The following ANKS1A variants were observed in gnomAD, a reference collection of about 807,000 sequenced individuals.
The protein encoded by ANKS1A is ankyrin repeat and SAM domain-containing protein 1A.
A neutral mutation model predicts 120.3 loss-of-function variants in ANKS1A; 55 were observed. The observed-to-expected ratio is 0.46, with a 90% CI of 0.37 to 0.57. ANKS1A has a LOEUF of 0.57. Among genes scored for constraint, ANKS1A ranks in the 20% least tolerant of loss-of-function variants. The pLI, the probability that ANKS1A is intolerant of heterozygous loss-of-function variation, is 0.00. For synonymous variants in ANKS1A, 590 were observed against 604.7 expected (o/e 0.98, Z 0.36); for missense variants, 1,123 against 1,480.3 (o/e 0.76, Z 3.96).
intron 12 of ANKS1A, among the ~76,000 whole-genome samples, chr6:35,059,832 TC>T (rs1031518373): frequency 6.6e-6 from 1 of 152,004 alleles, no homozygotes; most frequent in Non-Finnish European, 1.5e-5. Context: ...GGATTTGGCT[TC>T]CCCCACCCCC....
At chr6:34,974,971 G>T (rs1031199977) in intron 3 of ANKS1A, among the ~76,000 whole-genome samples, 1 of 152,170 alleles carries the variant, frequency 6.6e-6, no homozygotes, top group African/African-American at 2.4e-5. Context: ...CCCAACAGTG[G>T]TTAATTTAGT....
chr6:34,895,313 T>TGCAGGCTC, intron 1 of ANKS1A, among the ~76,000 whole-genome samples: 1 of 151,962 alleles, frequency 6.6e-6, no homozygotes, highest in Non-Finnish European at 1.5e-5. Flanking sequence ...CCTCCTGAGC[T>TGCAGGCTC]ATTGGGACTG....
chr6:35,066,101 C>T (rs947262688), intron 13 of ANKS1A, among the ~76,000 whole-genome samples: 14 of 152,178 alleles, frequency 9.2e-5, no homozygotes, highest in African/African-American at 3.1e-4. Flanking sequence ...CCTCCCTGTT[C>T]GTCGTCTGTC....
At chr6:34,941,034 G>T (rs1207710324) in intron 1 of ANKS1A, among the ~76,000 whole-genome samples, 1 of 151,822 alleles carries the variant, frequency 6.6e-6, no homozygotes, top group Non-Finnish European at 1.5e-5. Context: ...TGTCACCCAG[G>T]CTGGAGTGCA....
Position 34,982,859 on chromosome 6 carries a change from G to C in ANKS1A, c.808+32G>C, listed in dbSNP as rs200272196. 1.2e-6 allele frequency: 2 copies of C among 1,613,964 alleles called. No homozygotes were observed. Among genetic ancestry groups the C allele is most frequent in the East Asian group, 4.5e-5 (2 of 44,886 alleles). On this transcript the variant is annotated intron_variant, in intron 5 of 23. Transcript: ENST00000360359. The surrounding 1 kb of genome is among the most constrained non-coding windows in gnomAD (Gnocchi z 4.9). ...GGTCGGCAGCGCTCTTGTCTACACAGCGTGCCAGGGTTGGGATTGTTTCTC... is the reference window on the plus strand; with the variant it reads ...GGTCGGCAGCGCTCTTGTCTACACACCGTGCCAGGGTTGGGATTGTTTCTC...
chr6:35,073,464 G>A lies in ANKS1A; in HGVS notation c.2185-5094G>A, dbSNP rs79573887. 6.3e-3 allele frequency among the ~76,000 whole-genome samples: 954 copies of A among 152,300 alleles called. 9 individuals are homozygous for A. Among genetic ancestry groups the A allele is most frequent in the African/African-American group, 0.022 (912 of 41,556 alleles). ...GAAGTCTGAGCGAGTCAGGACAGGG[G>A]GAGGCCCAGATCCCAGGCGAAGATC... On this transcript the variant is annotated intron_variant, in intron 13 of 23. Transcript: ENST00000360359.
At chr6:34,991,039 T>C (rs1351195984) in intron 9 of ANKS1A, among the ~76,000 whole-genome samples, 1 of 152,204 alleles carries the variant, frequency 6.6e-6, no homozygotes, top group Non-Finnish European at 1.5e-5. Context: ...TCTTTCCTTA[T>C]ACTGTTAAAG....
At chr6:34,925,509 C>T (rs1429641236) in intron 1 of ANKS1A, among the ~76,000 whole-genome samples, 1 of 152,158 alleles carries the variant, frequency 6.6e-6, no homozygotes, top group African/African-American at 2.4e-5. Context: ...CGACTTAGAA[C>T]CTTTCTAGAG....
rs1277223812 is a variant in ANKS1A at position 35,086,423 on chromosome 6, G to A, written c.3303+487G>A. On this transcript the variant is annotated intron_variant, in intron 22 of 23. Coordinates refer to ENST00000360359, the MANE Select transcript of ANKS1A (RefSeq NM_015245.3). The surrounding 1 kb of genome is among the most constrained non-coding windows in gnomAD (Gnocchi z 5.1). ...CAGTCTCCCCGAAGTGACCGTGAGC[G>A]CTCTTAGCCTCTGGCGGCCTCTCCC... is the stretch of plus-strand genomic sequence containing the variant. 15 of 1,223,244 alleles carry A rather than the reference G, an allele frequency of 1.2e-5. No homozygotes were observed. Among genetic ancestry groups the A allele is most frequent in the Middle Eastern group, 2.2e-4 (1 of 4,618 alleles). The allele number at this position is 1,223,244 out of a possible 1,614,324, so 75.8% of individuals were successfully genotyped here.
chr6:35,037,838 C>T (rs1166427339), intron 11 of ANKS1A, among the ~76,000 whole-genome samples: 3 of 152,112 alleles, frequency 2.0e-5, no homozygotes, highest in African/African-American at 4.8e-5. Flanking sequence ...GAAGGGTTTT[C>T]CCTGGGGTCC....
At position 35,058,017 on chromosome 6, in the gene ANKS1A, A is replaced by G. The variant is rs777104223; in HGVS notation, c.2078-2130A>G. ...CCCTTCATATGCATTTGTGCAGCCA[A>G]CATCGGCTATTGGGAAATCTGTCAT... On this transcript the variant is annotated intron_variant, in intron 12 of 23. Transcript: ENST00000360359. This position sits in a 1 kb window ranked among gnomAD's most constrained non-coding sequence, Gnocchi z 5.1. Among the ~76,000 whole-genome samples the G allele has an allele frequency of 2.6e-5, 4 of 152,228 alleles. No homozygotes were observed. The highest frequency in any genetic ancestry group is 4.4e-5 in the Non-Finnish European group (3 of 68,050).
At position 34,981,822 on chromosome 6, in the gene ANKS1A, G is replaced by A; in HGVS notation, c.568G>A (p.Ala190Thr). ...NKFETPLDLA[A>T]LYGRLEVVKM... ...ATTCGAGACCCCTTTGGACCTGGCA[G>A]CACTGTACGGGCGACTGGAGGTGGT... The change falls in exon 4 of 24, where the codon GCA becomes ACA. Residue 190 changes from alanine to threonine, a missense_variant. By Grantham distance (58) the Ala-to-Thr change is moderately conservative (BLOSUM62 0). This residue lies in a region of ANKS1A where 146 missense variants were observed against 267.8 expected (regional missense o/e 0.55). Transcript: ENST00000360359. The A allele has an allele frequency of 6.2e-7, 1 of 1,614,180 alleles. No individual in the cohort carries two copies. Among genetic ancestry groups the A allele is most frequent in the Non-Finnish European group, 8.5e-7 (1 of 1,180,034 alleles).
chr6:34,988,404 G>A (rs1561893972), intron 8 of ANKS1A, among the ~76,000 whole-genome samples: 1 of 152,178 alleles, frequency 6.6e-6, no homozygotes, highest in South Asian at 2.1e-4. Flanking sequence ...AGACCATCCT[G>A]GGTAACATGG....
Position 35,085,859 on chromosome 6 carries a change from G to A in ANKS1A, c.3226G>A (p.Ala1076Thr), listed in dbSNP as rs199931805. Reference protein sequence around the residue: ...LQAQKSRATGASAAEMIETKS... With the variant: ...LQAQKSRATGTSAAEMIETKS... Reference sequence around the variant, plus strand: ...GGCCCAGAAGTCCAGGGCGACGGGCGCCTCTGCAGCTGAGATGATTGAAAC... The same window carrying A: ...GGCCCAGAAGTCCAGGGCGACGGGCACCTCTGCAGCTGAGATGATTGAAAC... The change falls in exon 22 of 24, where the codon GCC becomes ACC. Residue 1076 changes from alanine (A) to threonine (T), a missense_variant. Transcript: ENST00000360359. This position sits in a 1 kb window ranked among gnomAD's most constrained non-coding sequence, Gnocchi z 4.7. 7.5e-5 allele frequency: 121 copies of A among 1,613,724 alleles called. No individual in the cohort carries two copies. The highest frequency in any genetic ancestry group is 4.4e-4 in the South Asian group (40 of 91,052).
At chr6:35,071,275 A>G (rs1465683285) in intron 13 of ANKS1A, among the ~76,000 whole-genome samples, 2 of 152,182 alleles carry the variant, frequency 1.3e-5, no homozygotes, top group African/African-American at 4.8e-5. Flanking sequence ...GGAATCCTCT[A>G]TAGAATGTAA....
chr6:34,966,576 G>A (rs1770906245), intron 1 of ANKS1A, among the ~76,000 whole-genome samples: 1 of 152,164 alleles, frequency 6.6e-6, no homozygotes, highest in Non-Finnish European at 1.5e-5. Context: ...AGGATTATTT[G>A]ATATTATTTT....
At chr6:34,940,338 G>GA in intron 1 of ANKS1A, among the ~76,000 whole-genome samples, 1 of 152,300 alleles carries the variant, frequency 6.6e-6, no homozygotes, top group African/African-American at 2.4e-5. Flanking sequence ...TGTTTCTGTT[G>GA]AAAAATGTAC....
chr6:35,066,753 G>A (rs982625104), intron 13 of ANKS1A, among the ~76,000 whole-genome samples: 5 of 152,204 alleles, frequency 3.3e-5, no homozygotes, highest in Admixed American at 2.0e-4. Flanking sequence ...GGTGAGGCCA[G>A]GGGTGGCTGG....
intron 11 of ANKS1A, among the ~76,000 whole-genome samples, chr6:35,020,359 G>A (rs1402142107): frequency 1.3e-5 from 2 of 152,230 alleles, no homozygotes; most frequent in Admixed American, 1.3e-4. Flanking sequence ...TATACAAGAT[G>A]TGTGTAGGTT....
Sources: gnomAD v4.1 joint callset for allele counts (sites outside exome capture counted in the v4.1 genomes callset) on GRCh38, gnomAD v4.1.1 for gene constraint, gnomAD v4.1.1 regional missense constraint, Gnocchi (gnomAD v3.1) non-coding constraint, MANE v1.5 for transcripts, NCBI Gene and HGNC (gene_info 2026-07-23, HGNC 2026-07-21) for gene names.